The following OXR1 variants were observed in gnomAD, a reference collection of about 807,000 sequenced individuals.
The protein encoded by OXR1 is oxidation resistance protein 1.
In OXR1, 41 loss-of-function variants were observed where a neutral mutation model predicts 104.6. That is an observed-to-expected ratio of 0.39 (90% CI 0.31 to 0.51). OXR1 has a LOEUF of 0.51. OXR1 is among the 20% of genes least tolerant of loss of function. The probability of loss-of-function intolerance (pLI) is 0.77; values close to 1 mark genes in which losing one functional copy is unlikely to be tolerated. For synonymous variants in OXR1, 348 were observed against 348.4 expected (o/e 1.00, Z 0.01); for missense variants, 955 against 1,031.9 (o/e 0.93, Z 1.02).
At chr8:106,709,864 C>T (rs1273955047) in intron 9 of OXR1, among the ~76,000 whole-genome samples, 1 of 151,964 alleles carries the variant, frequency 6.6e-6, no homozygotes, top group Admixed American at 6.6e-5. Context: ...GAAAGCTCAT[C>T]GTTTTAACCA....
Position 106,382,034 on chromosome 8 carries a change from A to G in OXR1, c.23+22398A>G, listed in dbSNP as rs552457982. Among the ~76,000 whole-genome samples the G allele has an allele frequency of 7.9e-5, 12 of 152,324 alleles. No homozygotes were observed. The South Asian group carries it at 2.5e-3, about 32-fold the overall frequency. ...TTCCTTTTGTTTCTGTGGTTTATAT[A>G]TGAAGCTTTCTTATTGATGCGATTT... On this transcript the variant is annotated intron_variant, in intron 2 of 16. Coordinates refer to ENST00000517566, the MANE Select transcript of OXR1 (RefSeq NM_001198533.2).
At chr8:106,467,648 G>T (rs1821245404) in intron 2 of OXR1, among the ~76,000 whole-genome samples, 1 of 151,830 alleles carries the variant, frequency 6.6e-6, no homozygotes, top group Admixed American at 6.6e-5. Context: ...CATTAATCAA[G>T]ATTGTTCCTG....
chr8:106,739,111 CACACACACAG>C (rs1156487083), intron 12 of OXR1, among the ~76,000 whole-genome samples: 1 of 146,618 alleles, frequency 6.8e-6, no homozygotes, highest in East Asian at 2.1e-4. Context: ...CACACACACA[CACACACACAG>C]CGCAAGCCAG....
At chr8:106,686,852 T>C (rs902889639) in intron 6 of OXR1, among the ~76,000 whole-genome samples, 12 of 152,218 alleles carry the variant, frequency 7.9e-5, no homozygotes, top group African/African-American at 2.4e-4. Flanking sequence ...TTTTTCTTTA[T>C]TTTTCACTTT....
At chr8:106,392,385 A>G (rs1290954738) in intron 2 of OXR1, among the ~76,000 whole-genome samples, 1 of 152,174 alleles carries the variant, frequency 6.6e-6, no homozygotes, top group Non-Finnish European at 1.5e-5. Flanking sequence ...ATCTAAGTAA[A>G]GATGTCAAGT....
intron 12 of OXR1, among the ~76,000 whole-genome samples, chr8:106,737,802 T>C (rs1400391061): frequency 6.6e-6 from 1 of 152,190 alleles, no homozygotes; most frequent in East Asian, 1.9e-4. Flanking sequence ...AAAAATATTC[T>C]GAAGAATGTT....
chr8:106,346,753 G>T (rs951913725), intron 1 of OXR1, among the ~76,000 whole-genome samples: 3 of 151,964 alleles, frequency 2.0e-5, no homozygotes, highest in Non-Finnish European at 2.9e-5. Flanking sequence ...AAAAATGGAA[G>T]CTCTGGCTGG....
intron 11 of OXR1, among the ~76,000 whole-genome samples, chr8:106,731,077 G>A (rs2131522100): frequency 6.6e-6 from 1 of 152,224 alleles, no homozygotes; most frequent in Non-Finnish European, 1.5e-5. Flanking sequence ...TAGATGTGTA[G>A]TGATATCTCA....
At chr8:106,556,790 A>T (rs1247353507) in intron 3 of OXR1, among the ~76,000 whole-genome samples, 1 of 152,172 alleles carries the variant, frequency 6.6e-6, no homozygotes, top group East Asian at 1.9e-4. Flanking sequence ...CTGATTATGT[A>T]ATGATTCTGC....
intron 2 of OXR1, among the ~76,000 whole-genome samples, chr8:106,366,507 T>G (rs1016142344): frequency 6.6e-6 from 1 of 152,220 alleles, no homozygotes; most frequent in Admixed American, 6.5e-5. Context: ...CAAATAAAAT[T>G]GACTGTCAAG....
At chr8:106,557,790 A>C (rs1816393050) in intron 3 of OXR1, among the ~76,000 whole-genome samples, 1 of 152,204 alleles carries the variant, frequency 6.6e-6, no homozygotes, top group Non-Finnish European at 1.5e-5. Flanking sequence ...AAGGCCACAC[A>C]TGTTGGTAAC....
At chr8:106,338,148 C>A (rs569264218) in intron 1 of OXR1, among the ~76,000 whole-genome samples, 24 of 152,076 alleles carry the variant, frequency 1.6e-4, no homozygotes, top group Non-Finnish European at 3.1e-4. Flanking sequence ...ATGCTAAATG[C>A]CAAATAATCA....
chr8:106,544,200 T>G (rs1815169699), intron 3 of OXR1, among the ~76,000 whole-genome samples: 1 of 150,174 alleles, frequency 6.7e-6, no homozygotes, highest in African/African-American at 2.5e-5. Flanking sequence ...ATAAGCTTTT[T>G]CTTTTTCTTT....
At chr8:106,493,992 G>A (rs1197021663) in intron 2 of OXR1, among the ~76,000 whole-genome samples, 1 of 152,152 alleles carries the variant, frequency 6.6e-6, no homozygotes, top group African/African-American at 2.4e-5. Context: ...AAAAGGAGAT[G>A]ATGATACCTA....
At chr8:106,607,669 G>A (rs1820501548) in intron 3 of OXR1, among the ~76,000 whole-genome samples, 3 of 152,200 alleles carry the variant, frequency 2.0e-5, no homozygotes, top group African/African-American at 7.2e-5. Context: ...TTGTCAGCAT[G>A]CCAAAGGGTG....
At position 106,643,308 on chromosome 8, in the gene OXR1, C is replaced by T. The variant is rs530394933; in HGVS notation, c.221-35902C>T. 4.6e-5 allele frequency among the ~76,000 whole-genome samples: 7 copies of T among 152,220 alleles called. No individual in the cohort carries two copies. The South Asian group carries it at 8.3e-4, about 18-fold the overall frequency. On this transcript the variant is annotated intron_variant, in intron 3 of 16. Transcript: ENST00000517566. ...CGCAGACAATACATAAATGAATGGG[C>T]ATGGCTGTGTTCAAAGGAAACCAAA...
chr8:106,415,191 A>G (rs2130518152), intron 2 of OXR1, among the ~76,000 whole-genome samples: 1 of 152,268 alleles, frequency 6.6e-6, no homozygotes, highest in South Asian at 2.1e-4. Context: ...ACTTTTCACC[A>G]TTTAACAAAT....
At chr8:106,714,177 G>A (rs1487192320) in intron 11 of OXR1, among the ~76,000 whole-genome samples, 192 bp downstream of exon 11, 1 of 151,836 alleles carries the variant, frequency 6.6e-6, no homozygotes, top group Non-Finnish European at 1.5e-5. Flanking sequence ...TTGTCATTCT[G>A]CTTTTGCTTT....
chr8:106,520,399 G>A lies in OXR1; in HGVS notation c.220+1260G>A, dbSNP rs541780088. On this transcript the variant is annotated intron_variant, in intron 3 of 16. Coordinates refer to ENST00000517566, the MANE Select transcript of OXR1 (RefSeq NM_001198533.2). Reference sequence around the variant, plus strand: ...TGTCAAGTCATTTTCCAATGTCTTTGGGTTAAATTCCTTCCTTCAAGCTGA... The same window carrying A: ...TGTCAAGTCATTTTCCAATGTCTTTAGGTTAAATTCCTTCCTTCAAGCTGA... The A allele has an allele frequency of 4.6e-5, 7 of 152,062 alleles. No homozygotes were observed. In the South Asian group the frequency reaches 1.5e-3, roughly 32 times the overall value. The allele number at this position is 152,062 out of a possible 1,614,324, so 9.4% of individuals were successfully genotyped here.
Sources: gnomAD v4.1 joint callset for allele counts (sites outside exome capture counted in the v4.1 genomes callset) on GRCh38, gnomAD v4.1.1 for gene constraint, MANE v1.5 for transcripts, NCBI Gene and HGNC (gene_info 2026-07-23, HGNC 2026-07-21) for gene names.